The following LRRC7 variants were observed in gnomAD, a reference collection of about 807,000 sequenced individuals.
LRRC7 encodes leucine-rich repeat-containing protein 7.
Under a neutral mutation model 175.7 loss-of-function variants are expected in LRRC7, and 23 were observed. The ratio of observed to expected loss-of-function variants is 0.13; its 90% confidence interval spans 0.09 to 0.19. The LOEUF is 0.19. Ranked by LOEUF, LRRC7 falls within the 10% of genes least tolerant of loss-of-function variation. LRRC7 has a pLI of 1.00. For missense variants in LRRC7, 1,354 were observed against 1,904.7 expected (o/e 0.71, Z 5.38); for synonymous variants, 685 against 680.9 (o/e 1.01, Z -0.09).
chr1:70,027,047 C>G (rs773550648), intron 17 of LRRC7, among the ~76,000 whole-genome samples: 1 of 151,952 alleles, frequency 6.6e-6, no homozygotes, highest in Non-Finnish European at 1.5e-5. Flanking sequence ...CTTTCTCTCC[C>G]TTTTCCGATC....
At chr1:70,021,183 C>G in intron 16 of LRRC7, 54 bp downstream of exon 16, 1 of 1,555,466 alleles carries the variant, frequency 6.4e-7, no homozygotes, top group Non-Finnish European at 8.8e-7. Context: ...TTTGTTTGTC[C>G]GTTTTTCTTA....
chr1:69,795,587 A>G (rs1204422704), intron 4 of LRRC7, among the ~76,000 whole-genome samples: 1 of 152,170 alleles, frequency 6.6e-6, no homozygotes, highest in East Asian at 1.9e-4. Flanking sequence ...GTATTTAGGG[A>G]CAGGACATAA....
rs775728075 is a variant in LRRC7 at position 70,039,177 on chromosome 1, C to G, written c.3353C>G (p.Pro1118Arg). The part of the protein sequence containing the change: ...LISPRAYRGY[P>R]PMEQMFSFSQ... ...AGTCCTAGAGCTTACAGAGGATACC[C>G]ACCGATGGAGCAAATGTTTTCATTT... The change falls in exon 21 of 27, where the codon CCA becomes CGA. Residue 1118 changes from proline (P) to arginine (R), a missense_variant. Around this residue, in one of 4 missense-constraint regions of LRRC7, gnomAD observed 1,032 missense variants for 1,227.2 expected, o/e 0.84. Coordinates refer to ENST00000651989, the MANE Select transcript of LRRC7 (RefSeq NM_001370785.2). The G allele has an allele frequency of 6.2e-7, 1 of 1,614,124 alleles. No homozygotes were observed. The highest frequency in any genetic ancestry group is 1.7e-5 in the Admixed American group (1 of 60,026).
intron 23 of LRRC7, among the ~76,000 whole-genome samples, chr1:70,070,828 G>C (rs1332794404): frequency 6.6e-6 from 1 of 152,138 alleles, no homozygotes; most frequent in African/African-American, 2.4e-5. Flanking sequence ...ACACCACCTC[G>C]TTAGTAAGGT....
At chr1:69,650,001 A>G (rs745514733) in intron 1 of LRRC7, among the ~76,000 whole-genome samples, 4 of 152,184 alleles carry the variant, frequency 2.6e-5, no homozygotes, top group African/African-American at 4.8e-5. Context: ...AGATGGTAAG[A>G]TACAGTTAGA....
intron 1 of LRRC7, among the ~76,000 whole-genome samples, chr1:69,645,241 T>A (rs1356037323): frequency 1.3e-5 from 2 of 151,614 alleles, no homozygotes; most frequent in African/African-American, 4.9e-5. Context: ...CCTGAACTAA[T>A]TAAGACTGAC....
rs1447887926 is a variant in LRRC7, at chr1:69,955,295, A to C, written c.711+23725A>C. 2.6e-5 allele frequency among the ~76,000 whole-genome samples: 4 copies of C among 152,078 alleles called. No individual in the cohort carries two copies. The South Asian group carries it at 6.2e-4, about 24-fold the overall frequency. On this transcript the variant is annotated intron_variant, in intron 8 of 26. Coordinates refer to ENST00000651989, the MANE Select transcript of LRRC7 (RefSeq NM_001370785.2). ...CACTCAGGAATGTAAAATTTCAGCT[A>C]TGCCAAGTGTTGAGGAGCCTCTATC... is the stretch of plus-strand genomic sequence containing the variant.
chr1:69,851,958 C>T (rs1223957602), intron 7 of LRRC7, among the ~76,000 whole-genome samples: 1 of 152,004 alleles, frequency 6.6e-6, no homozygotes, highest in Non-Finnish European at 1.5e-5. Context: ...GGATCTAGAA[C>T]TACAAAATTT....
intron 3 of LRRC7, among the ~76,000 whole-genome samples, chr1:69,790,750 T>C (rs1675009546): frequency 1.3e-5 from 2 of 151,908 alleles, no homozygotes; most frequent in Admixed American, 1.3e-4. Context: ...GTAGAAACTA[T>C]CCATCAAAGT....
chr1:69,574,776 T>A (rs1056464031), intron 1 of LRRC7, among the ~76,000 whole-genome samples: 5 of 152,152 alleles, frequency 3.3e-5, no homozygotes, highest in Admixed American at 3.3e-4. Flanking sequence ...ACCACATATT[T>A]TGAGCACTCA....
At chr1:69,576,778 G>A (rs1289259467) in intron 1 of LRRC7, among the ~76,000 whole-genome samples, 1 of 152,152 alleles carries the variant, frequency 6.6e-6, no homozygotes, top group African/African-American at 2.4e-5. Flanking sequence ...GCTCGTGGGT[G>A]TGATGGAACA....
intron 7 of LRRC7, among the ~76,000 whole-genome samples, chr1:69,852,612 T>A (rs1683111747): frequency 6.6e-6 from 1 of 152,210 alleles, no homozygotes; most frequent in Non-Finnish European, 1.5e-5. Context: ...TTTGCTTTTT[T>A]AAAAATGTTG....
chr1:69,925,478 G>A (rs1024442258), intron 7 of LRRC7, among the ~76,000 whole-genome samples: 1 of 152,048 alleles, frequency 6.6e-6, no homozygotes, highest in Non-Finnish European at 1.5e-5. Context: ...CAATTTCAGA[G>A]GCTGTTATTG....
At chr1:69,761,741 C>T (rs569945429) in intron 3 of LRRC7, among the ~76,000 whole-genome samples, 2 of 152,068 alleles carry the variant, frequency 1.3e-5, no homozygotes, top group South Asian at 4.1e-4. Context: ...GCAAAGATGG[C>T]ACCGTATTCA....
At position 70,125,772 on chromosome 1, in the gene LRRC7, A is replaced by G. The variant is rs1455093187; in HGVS notation, c.*3885A>G. ...CCGCCACTGCACTCCAGCCTGGGCG[A>G]CAGAGCGAGACTCCGTCTCAAAAAA... On this transcript the variant is annotated 3_prime_UTR_variant, in exon 27 of 27. Transcript: ENST00000651989. Among the ~76,000 whole-genome samples, 13 of 124,652 alleles carry G rather than the reference A, an allele frequency of 1.0e-4. No individual in the cohort carries two copies. Among genetic ancestry groups the G allele is most frequent in the African/African-American group, 3.8e-4 (12 of 31,192 alleles). The allele number at this position is 124,652 out of a possible 152,430, so 81.8% of individuals were successfully genotyped here.
At chr1:69,609,482 A>C (rs1278822345) in intron 1 of LRRC7, among the ~76,000 whole-genome samples, 1 of 152,070 alleles carries the variant, frequency 6.6e-6, no homozygotes, top group Non-Finnish European at 1.5e-5. Context: ...AAAAAAATAA[A>C]AATGACCACC....
rs1230288380 is a variant in LRRC7 at position 70,073,596 on chromosome 1, TG to T, written c.4231-2480del. ...CCATAAGCAGTTATTAATTTTCTCA[TG>T]TAGATTATATTTCATGGAACCAAGC... is the stretch of plus-strand genomic sequence containing the variant. On this transcript the variant is annotated intron_variant, in intron 23 of 26. Coordinates refer to ENST00000651989, the MANE Select transcript of LRRC7 (RefSeq NM_001370785.2). 3.9e-5 allele frequency among the ~76,000 whole-genome samples: 6 copies of T among 152,340 alleles called. No individual in the cohort carries two copies. In the East Asian group the frequency reaches 1.2e-3, roughly 29 times the overall value.
chr1:69,930,659 A>C (rs1324816299), intron 7 of LRRC7, among the ~76,000 whole-genome samples: 2 of 152,188 alleles, frequency 1.3e-5, no homozygotes, highest in Non-Finnish European at 2.9e-5. Context: ...TGCTATAAAG[A>C]AGTGCTCCAG....
chr1:69,690,097 G>A (rs1255665116), intron 2 of LRRC7, among the ~76,000 whole-genome samples: 1 of 152,110 alleles, frequency 6.6e-6, no homozygotes, highest in Non-Finnish European at 1.5e-5. Context: ...CTCTTCTATG[G>A]AAGGTCCATA....
Sources: gnomAD v4.1 joint callset for allele counts (sites outside exome capture counted in the v4.1 genomes callset) on GRCh38, gnomAD v4.1.1 for gene constraint, gnomAD v4.1.1 regional missense constraint, MANE v1.5 for transcripts, NCBI Gene and HGNC (gene_info 2026-07-23, HGNC 2026-07-21) for gene names.